ABCA13: variants seen among roughly 807,000 people sequenced by gnomAD.
ABCA13 encodes the protein ATP-binding cassette sub-family A member 13.
In ABCA13, 476 loss-of-function variants were observed where a neutral mutation model predicts 478.7. That is an observed-to-expected ratio of 0.99 (90% CI 0.92 to 1.07). The LOEUF is 1.07. Among genes scored for constraint, ABCA13 ranks in the 50% least tolerant of loss-of-function variants. The probability of loss-of-function intolerance (pLI) is 0.00; values close to 1 mark genes in which losing one functional copy is unlikely to be tolerated. For missense variants in ABCA13, 6,060 were observed against 5,910.6 expected (o/e 1.03, Z -0.83); for synonymous variants, 2,252 against 2,158.9 (o/e 1.04, Z -1.20).
At chr7:48,178,361 T>A (rs1359425082) in intron 1 of ABCA13, among the ~76,000 whole-genome samples, 1 of 152,168 alleles carries the variant, frequency 6.6e-6, no homozygotes, top group Non-Finnish European at 1.5e-5. Flanking sequence ...TTGTCCTGCA[T>A]CATTGCCTGA....
chr7:48,454,610 G>C (rs1458480940), intron 42 of ABCA13, among the ~76,000 whole-genome samples: 2 of 152,108 alleles, frequency 1.3e-5, no homozygotes, highest in Admixed American at 1.3e-4. Flanking sequence ...AGGGACGGTG[G>C]AACTGAGGAA....
chr7:48,542,387 G>T (rs935136798), intron 55 of ABCA13, among the ~76,000 whole-genome samples: 1 of 151,574 alleles, frequency 6.6e-6, no homozygotes, highest in Non-Finnish European at 1.5e-5. Context: ...TTATTATTTA[G>T]CATTTTCTGG....
At chr7:48,456,240 A>G (rs1341769841) in intron 43 of ABCA13, among the ~76,000 whole-genome samples, 2 of 152,238 alleles carry the variant, frequency 1.3e-5, no homozygotes, top group East Asian at 3.9e-4. Context: ...TTACTAAAAT[A>G]AGCAGCTTAA....
At position 48,444,131 on chromosome 7, in the gene ABCA13, T is replaced by A. The variant is rs117622919; in HGVS notation, c.12566-10906T>A. ...AGAATTCATTGCTCTCTGTTTTCAA[T>A]GCCTCCCCCTGTCCTGAATCTTTCT... On this transcript the variant is annotated intron_variant, in intron 42 of 61. Coordinates refer to ENST00000435803, the MANE Select transcript of ABCA13 (RefSeq NM_152701.5). Among the ~76,000 whole-genome samples the A allele has an allele frequency of 8.1e-3, 1,233 of 152,332 alleles. 10 individuals are homozygous for A. The highest frequency in any genetic ancestry group is 0.014 in the Non-Finnish European group (946 of 68,032).
At chr7:48,204,698 C>G (rs1417700871) in intron 3 of ABCA13, among the ~76,000 whole-genome samples, 1 of 152,168 alleles carries the variant, frequency 6.6e-6, no homozygotes. Context: ...TTTGTATTCC[C>G]CATCTGTCCA....
intron 58 of ABCA13, among the ~76,000 whole-genome samples, chr7:48,596,233 C>A (rs1790267235): frequency 6.6e-6 from 1 of 152,186 alleles, no homozygotes; most frequent in African/African-American, 2.4e-5. Flanking sequence ...TCTTAATTTT[C>A]TATCTCTGGG....
At position 48,292,147 on chromosome 7, in the gene ABCA13, A is replaced by C. The variant is rs570480069; in HGVS notation, c.8956-3553A>C. On this transcript the variant is annotated intron_variant, in intron 20 of 61. Coordinates refer to ENST00000435803, the MANE Select transcript of ABCA13 (RefSeq NM_152701.5). Reference sequence around the variant, plus strand: ...CCTTCATGCTCATGTGTTCAGCTGCATTCCCACTCAGATGTCAAGCAGGCC... The same window carrying C: ...CCTTCATGCTCATGTGTTCAGCTGCCTTCCCACTCAGATGTCAAGCAGGCC... Among the ~76,000 whole-genome samples, 52 of 152,164 alleles carry C rather than the reference A, an allele frequency of 3.4e-4. 2 individuals are homozygous for C. The South Asian group carries it at 0.011, about 32-fold the overall frequency.
chr7:48,283,605 G>T (rs944850786), intron 19 of ABCA13, among the ~76,000 whole-genome samples: 1 of 152,160 alleles, frequency 6.6e-6, no homozygotes, highest in African/African-American at 2.4e-5. Context: ...ATGAGGGCTG[G>T]CACTAGGTTG....
chr7:48,340,652 T>TC (rs1807015985), intron 29 of ABCA13, among the ~76,000 whole-genome samples: 5 of 152,296 alleles, frequency 3.3e-5, no homozygotes, highest in Admixed American at 1.3e-4. Flanking sequence ...TACCTGAGTC[T>TC]CCTGAGTTTG....
In ABCA13 at chr7:48,403,887, C is replaced by T. The variant is rs760531371; in HGVS notation, c.12070+8C>T. 1 of 1,610,776 alleles carries T rather than the reference C, an allele frequency of 6.2e-7. No homozygotes were observed. On this transcript the variant is annotated splice_region_variant and intron_variant, in intron 39 of 61. Coordinates refer to ENST00000435803, the MANE Select transcript of ABCA13 (RefSeq NM_152701.5). ...TGCTCAAGTACCGAGAAGGTAGGCA[C>T]TGGGCCTCATTCTGCCTTCTCTTCC...
intron 3 of ABCA13, among the ~76,000 whole-genome samples, chr7:48,204,679 C>T (rs1452199902): frequency 1.3e-5 from 2 of 152,166 alleles, no homozygotes; most frequent in Admixed American, 6.5e-5. Flanking sequence ...CATGGTCGGC[C>T]TTTCTCTTTT....
intron 35 of ABCA13, among the ~76,000 whole-genome samples, chr7:48,380,776 C>G (rs1207456799): frequency 6.6e-6 from 1 of 152,108 alleles, no homozygotes; most frequent in African/African-American, 2.4e-5. Flanking sequence ...GGGACTGTTC[C>G]TTCCAGGGAT....
At position 48,234,034 on chromosome 7, in the gene ABCA13, G is replaced by T. The variant is rs1310950862; in HGVS notation, c.780G>T (p.Leu260=). 1.9e-6 allele frequency: 3 copies of T among 1,614,020 alleles called. No individual in the cohort carries two copies. The highest frequency in any genetic ancestry group is 2.5e-6 in the Non-Finnish European group (3 of 1,179,890). Residue 260 remains leucine, a synonymous_variant, in exon 8 of 62, where the codon CTG becomes CTT. Transcript: ENST00000435803. The stretch of plus-strand genomic sequence containing the variant: ...TTCCAACAGAGCCAGTTTACCACCT[G>T]TCCATGCAGAATATAGTGTGGGATC... ...GVAVTEPVYH[L]SMQNIVWDPQ...
At chr7:48,248,129 A>T in intron 13 of ABCA13, 110 bp from the exon 14 acceptor site, 1 of 838,010 alleles carries the variant, frequency 1.2e-6, no homozygotes, top group South Asian at 1.9e-5. Context: ...TCTTTGATGT[A>T]CAGTTTGAGT....
chr7:48,444,203 A>G (rs993132534), intron 42 of ABCA13, among the ~76,000 whole-genome samples: 1 of 152,198 alleles, frequency 6.6e-6, no homozygotes, highest in African/African-American at 2.4e-5. Flanking sequence ...CTAAAGACAA[A>G]GCAGCATAAG....
intron 15 of ABCA13, among the ~76,000 whole-genome samples, chr7:48,261,484 A>T (rs532682424): frequency 5.3e-5 from 8 of 151,938 alleles, no homozygotes; most frequent in African/African-American, 1.9e-4. Context: ...TTTTCTTTCT[A>T]GAACTCCTGT....
chr7:48,203,982 C>T (rs777417760), intron 3 of ABCA13, among the ~76,000 whole-genome samples: 1 of 152,134 alleles, frequency 6.6e-6, no homozygotes, highest in Non-Finnish European at 1.5e-5. Flanking sequence ...GCCCAGACCC[C>T]CTGAGAATCA....
chr7:48,528,274 C>T lies in ABCA13; in HGVS notation c.14283C>T (p.Ser4761=), dbSNP rs747812790. ...GLLGVNGAGK[S]TTFKMLNGEV... ...TAGGGGTGAATGGAGCTGGGAAGAG[C>T]ACGACTTTCAAAATGCTGAATGGTG... The change falls in exon 55 of 62, where the codon AGC becomes AGT. Residue 4761 remains serine, a synonymous_variant. Transcript: ENST00000435803. The T allele has an allele frequency of 4.4e-6, 7 of 1,579,048 alleles. No homozygotes were observed. The highest frequency in any genetic ancestry group is 1.3e-5 in the African/African-American group (1 of 74,276).
At position 48,428,757 on chromosome 7, in the gene ABCA13, T is replaced by C. The variant is rs554701059; in HGVS notation, c.12565+886T>C. Reference sequence around the variant, plus strand: ...TTAATTTGCATTCTCCTAATGATTATGTTAGGCATATATTTTTATTTCCCA... The same window carrying C: ...TTAATTTGCATTCTCCTAATGATTACGTTAGGCATATATTTTTATTTCCCA... On this transcript the variant is annotated intron_variant, in intron 42 of 61. Transcript: ENST00000435803. Among the ~76,000 whole-genome samples the C allele has an allele frequency of 1.8e-4, 27 of 152,330 alleles. No individual in the cohort carries two copies. In the East Asian group the frequency reaches 4.4e-3, roughly 25 times the overall value.
Sources: gnomAD v4.1 joint callset for allele counts (sites outside exome capture counted in the v4.1 genomes callset) on GRCh38, gnomAD v4.1.1 for gene constraint, MANE v1.5 for transcripts, NCBI Gene and HGNC (gene_info 2026-07-23, HGNC 2026-07-21) for gene names.